The following NR1D2 variants were observed in gnomAD, a reference collection of about 807,000 sequenced individuals.
NR1D2 encodes V-erbA-related protein 1-related.
In NR1D2, 25 loss-of-function variants were observed where a neutral mutation model predicts 52.2. That is an observed-to-expected ratio of 0.48 (90% CI 0.35 to 0.67). NR1D2 has a LOEUF of 0.67. NR1D2 is among the 30% of genes least tolerant of loss of function. NR1D2 has a pLI of 0.01. For synonymous variants in NR1D2, 259 were observed against 230.1 expected (o/e 1.13, Z -1.14); for missense variants, 681 against 707.2 (o/e 0.96, Z 0.42).
chr3:23,958,180 G>A lies in NR1D2; in HGVS notation c.373-1491G>A, dbSNP rs920125145. 6.6e-5 allele frequency among the ~76,000 whole-genome samples: 10 copies of A among 152,282 alleles called. No homozygotes were observed. The East Asian group carries it at 1.7e-3, about 26-fold the overall frequency. On this transcript the variant is annotated intron_variant, in intron 3 of 7. Transcript: ENST00000312521. ...TAGTTAGCTACTCTGTTGGTGTGTGGTGTAACACTTACCTGTTGCTGGCAC... is the reference window on the plus strand; with the variant it reads ...TAGTTAGCTACTCTGTTGGTGTGTGATGTAACACTTACCTGTTGCTGGCAC...
At chr3:23,946,335 G>T in intron 1 of NR1D2, 5 of 978,314 alleles carry the variant, frequency 5.1e-6, no homozygotes, top group Admixed American at 6.1e-5. Context: ...TGCAGATTCC[G>T]AGGAGGAAGT....
rs1706783323 is a variant in NR1D2 at position 23,978,094 on chromosome 3, A to C, written c.*675A>C. 1.3e-5 allele frequency: 2 copies of C among 152,126 alleles called. No homozygotes were observed. The highest frequency in any genetic ancestry group is 1.3e-4 in the Admixed American group (2 of 15,268). The allele number at this position is 152,126 out of a possible 1,614,324, so 9.4% of individuals were successfully genotyped here. A position where few individuals can be genotyped will look rare whatever the true frequency, so the allele number is the denominator to read the frequency against. ...TTATTCATAATAATATTCTTTTCTT[A>C]TTTCTAAGCCTTTCTGGGAAATCAT... On this transcript the variant is annotated 3_prime_UTR_variant, in exon 8 of 8. Coordinates refer to ENST00000312521, the MANE Select transcript of NR1D2 (RefSeq NM_005126.5).
At chr3:23,957,654 C>T (rs1337268946) in intron 3 of NR1D2, among the ~76,000 whole-genome samples, 14 of 150,870 alleles carry the variant, frequency 9.3e-5, no homozygotes, top group Non-Finnish European at 1.5e-4. Flanking sequence ...ACCCGGGAGG[C>T]GGAGCTTGCA....
chr3:23,965,488 T>C (rs900166779), intron 6 of NR1D2, among the ~76,000 whole-genome samples: 4 of 151,350 alleles, frequency 2.6e-5, no homozygotes, highest in African/African-American at 9.7e-5. Context: ...CTCAAAGCGA[T>C]CTGCCCACTT....
chr3:23,946,681 GT>G (rs1705728902), intron 1 of NR1D2: 1 of 152,188 alleles, frequency 6.6e-6, no homozygotes, highest in Non-Finnish European at 1.5e-5. Flanking sequence ...AACACCATAT[GT>G]AAGACTGGAC....
rs898385379 is a variant in NR1D2 at position 23,978,967 on chromosome 3, A to T, written c.*1548A>T. 1 of 152,130 alleles carries T rather than the reference A, an allele frequency of 6.6e-6. No homozygotes were observed. The highest frequency in any genetic ancestry group is 1.5e-5 in the Non-Finnish European group (1 of 67,966). The allele number at this position is 152,130 out of a possible 1,614,324, so 9.4% of individuals were successfully genotyped here. A position where few individuals can be genotyped will look rare whatever the true frequency, so the allele number is the denominator to read the frequency against. On this transcript the variant is annotated 3_prime_UTR_variant, in exon 8 of 8. Transcript: ENST00000312521. ...TGTATGTTTTCCTGTTTACCTGGAA[A>T]ATAGCAATTAATTGGATTTTTTGGT...
chr3:23,952,725 CAA>C (rs35053426), intron 1 of NR1D2, among the ~76,000 whole-genome samples: 3 of 118,478 alleles, frequency 2.5e-5, no homozygotes, highest in Admixed American at 8.7e-5. Flanking sequence ...GACTCCATCT[CAA>C]AAAAAAAAAA....
chr3:23,958,306 G>A (rs1233061506), intron 3 of NR1D2, among the ~76,000 whole-genome samples: 1 of 152,118 alleles, frequency 6.6e-6, no homozygotes, highest in Non-Finnish European at 1.5e-5. Context: ...ACAATCTAGT[G>A]AGGGGATTAT....
chr3:23,946,703 TA>T (rs1407282184), intron 1 of NR1D2: 1 of 152,170 alleles, frequency 6.6e-6, no homozygotes, highest in African/African-American at 2.4e-5. Context: ...ATTCTTCATT[TA>T]AATTAAAAAA....
chr3:23,948,951 C>T (rs923109380), intron 1 of NR1D2, among the ~76,000 whole-genome samples: 5 of 152,190 alleles, frequency 3.3e-5, no homozygotes, highest in Non-Finnish European at 7.3e-5. Flanking sequence ...TCTGCAGGGC[C>T]TCCCAGTTTC....
chr3:23,947,777 G>A (rs1276243020), intron 1 of NR1D2, among the ~76,000 whole-genome samples: 1 of 151,640 alleles, frequency 6.6e-6, no homozygotes, highest in Non-Finnish European at 1.5e-5. Flanking sequence ...TACCCACCAT[G>A]TTTACAGTTT....
intron 5 of NR1D2, chr3:23,963,284 T>G (rs1706335713): frequency 7.4e-7 from 1 of 1,351,866 alleles, no homozygotes; most frequent in African/African-American, 1.5e-5. Flanking sequence ...CATTTCCAGT[T>G]TAAACCATGA....
chr3:23,960,721 C>A (rs1349154754), intron 4 of NR1D2, among the ~76,000 whole-genome samples: 1 of 152,116 alleles, frequency 6.6e-6, no homozygotes, highest in Non-Finnish European at 1.5e-5. Flanking sequence ...AGTACTAATG[C>A]TATAAAAATA....
intron 5 of NR1D2, 44 bp from the exon 6 acceptor site, chr3:23,964,933 C>A: frequency 7.7e-7 from 1 of 1,300,178 alleles, no homozygotes; most frequent in Non-Finnish European, 1.1e-6. Flanking sequence ...CATTTCTTTA[C>A]CACCTCTTAG....
intron 1 of NR1D2, among the ~76,000 whole-genome samples, chr3:23,950,902 C>CTTTTTCTTT (rs1351954635): frequency 3.2e-5 from 4 of 123,102 alleles, no homozygotes; most frequent in African/African-American, 6.5e-5. Context: ...CTTTCTTTTT[C>CTTTTTCTTT]TTTTTTTTTT....
chr3:23,977,031 C>T (rs1706744481), intron 7 of NR1D2, among the ~76,000 whole-genome samples, 192 bp from the exon 8 acceptor site: 1 of 151,992 alleles, frequency 6.6e-6, no homozygotes, highest in South Asian at 2.1e-4. Flanking sequence ...GATATATATG[C>T]TTTATAATAT....
chr3:23,968,492 GT>G (rs1706508328), intron 7 of NR1D2, among the ~76,000 whole-genome samples: 1 of 152,194 alleles, frequency 6.6e-6, no homozygotes, highest in African/African-American at 2.4e-5. Context: ...ATTGAATTAT[GT>G]GGGTAACTTG....
Position 23,959,760 on chromosome 3 carries a change from C to G in NR1D2, c.462C>G (p.Asn154Lys). ...ENCSIMRMNR[N>K]RCQQCRFKKC... ...GTTCTATAATGAGAATGAATAGGAA[C>G]AGATGTCAGCAATGTCGCTTCAAAA... The change falls in exon 4 of 8, where the codon AAC becomes AAG. Residue 154 changes from asparagine (N) to lysine (K), a missense_variant. Asn to Lys is a moderately conservative substitution (Grantham distance 94). Transcript: ENST00000312521. The G allele has an allele frequency of 6.2e-7, 1 of 1,613,812 alleles. No individual in the cohort carries two copies. Among genetic ancestry groups the G allele is most frequent in the Non-Finnish European group, 8.5e-7 (1 of 1,179,880 alleles).
intron 7 of NR1D2, among the ~76,000 whole-genome samples, chr3:23,974,545 G>C (rs1027906686): frequency 6.6e-6 from 1 of 151,908 alleles, no homozygotes. Flanking sequence ...TTTGTTCACC[G>C]CTGATTTCCA....
Sources: allele counts gnomAD v4.1 joint callset (sites outside exome capture counted in the v4.1 genomes callset), GRCh38; gene constraint gnomAD v4.1.1; transcripts MANE v1.5; gene names NCBI Gene and HGNC (gene_info 2026-07-23, HGNC 2026-07-21).